TLR3: variants seen among roughly 807,000 people sequenced by gnomAD.
TLR3 encodes the protein toll-like receptor 3.
Under a neutral mutation model 66.4 loss-of-function variants are expected in TLR3, and 43 were observed. That is an observed-to-expected ratio of 0.65 (90% CI 0.51 to 0.83). TLR3 has a LOEUF of 0.83. Among genes scored for constraint, TLR3 ranks in the 40% least tolerant of loss-of-function variants. The pLI is 0.00. For missense variants in TLR3, 982 were observed against 1,044.6 expected, an observed-to-expected ratio of 0.94 and a Z score of 0.83; for synonymous variants, 397 against 397.2, an observed-to-expected ratio of 1.00 and a Z score of 0.01.
rs762007597 is a variant in TLR3, at chr4:186,076,972, C to A, written c.353C>A (p.Thr118Asn). 1 of 1,614,002 alleles carries A rather than the reference C, an allele frequency of 6.2e-7. No individual in the cohort carries two copies. Among genetic ancestry groups the A allele is most frequent in the Non-Finnish European group, 8.5e-7 (1 of 1,180,026 alleles). Reference protein sequence around the residue: ...HNELSQLSDKTFAFCTNLTEL... With the variant: ...HNELSQLSDKNFAFCTNLTEL... ...GAGCTATCTCAACTTTCTGATAAAA[C>A]CTTTGCCTTCTGCACGAATTTGACT... The change falls in exon 2 of 5, where the codon ACC becomes AAC. Residue 118 changes from threonine (T) to asparagine (N), a missense_variant. Physicochemically the swap from Thr to Asn is moderately conservative, Grantham distance 65. Around this residue, in one of 3 missense-constraint regions of TLR3, gnomAD observed 313 missense variants for 319.0 expected, o/e 0.98. Coordinates refer to ENST00000296795, the MANE Select transcript of TLR3 (RefSeq NM_003265.3).
chr4:186,079,640 C>T (rs2099303082), intron 3 of TLR3, among the ~76,000 whole-genome samples: 1 of 152,120 alleles, frequency 6.6e-6, no homozygotes, highest in Non-Finnish European at 1.5e-5. Flanking sequence ...AAATAACTGA[C>T]AGGACTGTCT....
At position 186,076,673 on chromosome 4, in the gene TLR3, G is replaced by A. The variant is rs768048228; in HGVS notation, c.54G>A (p.Gly18=). 4 of 1,614,126 alleles carry A rather than the reference G, an allele frequency of 2.5e-6. No homozygotes were observed. The highest frequency in any genetic ancestry group is 3.4e-6 in the Non-Finnish European group (4 of 1,180,036). ...TTTGGGGGGGCCTTTTGCCCTTTGG[G>A]ATGCTGTGTGCATCCTCCACCACCA... ...IYFWGGLLPF[G]MLCASSTTKC... The change falls in exon 2 of 5, where the codon GGG becomes GGA. Residue 18 remains glycine, a synonymous_variant. Transcript: ENST00000296795.
At chr4:186,072,043 C>G (rs990083463) in intron 1 of TLR3, among the ~76,000 whole-genome samples, 4 of 152,196 alleles carry the variant, frequency 2.6e-5, no homozygotes, top group African/African-American at 9.7e-5. Flanking sequence ...CTTTCCTGAG[C>G]TGACTAAATG....
intron 1 of TLR3, among the ~76,000 whole-genome samples, chr4:186,070,158 G>T (rs1239258344): frequency 6.6e-6 from 1 of 151,702 alleles, no homozygotes; most frequent in Non-Finnish European, 1.5e-5. Flanking sequence ...CTTTATTTCT[G>T]CTAGATCTCA....
intron 1 of TLR3, among the ~76,000 whole-genome samples, chr4:186,070,284 C>A (rs2099301212): frequency 6.6e-6 from 1 of 152,196 alleles, no homozygotes; most frequent in Non-Finnish European, 1.5e-5. Context: ...TATAAACTTA[C>A]TGAATTTTTG....
intron 3 of TLR3, 119 bp downstream of exon 3, chr4:186,079,150 C>A: frequency 2.1e-6 from 2 of 953,060 alleles, no homozygotes; most frequent in Non-Finnish European, 3.2e-6. Flanking sequence ...GCAATCCTTC[C>A]CACCTACTGC....
At chr4:186,082,268 A>G in intron 3 of TLR3, 52 bp from the exon 4 acceptor site, 1 of 1,226,334 alleles carries the variant, frequency 8.2e-7, no homozygotes, top group Admixed American at 1.8e-5. Context: ...CAACAGCATT[A>G]CAGAGTCTGT....
At chr4:186,077,845 G>T (rs1299754613) in intron 2 of TLR3, among the ~76,000 whole-genome samples, 1 of 148,594 alleles carries the variant, frequency 6.7e-6, no homozygotes, top group African/African-American at 2.5e-5. Flanking sequence ...AAAAAAAAAC[G>T]CATGTTATTG....
rs1339213747 is a variant in TLR3 at position 186,082,784 on chromosome 4, T to C, written c.1098T>C (p.Asp366=). Residue 366 remains aspartate (D), a synonymous_variant, in exon 4 of 5, where the codon GAT becomes GAC. Transcript: ENST00000296795. ...CLEHLNMEDN[D]IPGIKSNMFT... Reference sequence around the variant, plus strand: ...AGCACCTTAACATGGAAGATAATGATATTCCAGGCATAAAAAGCAATATGT... The same window carrying C: ...AGCACCTTAACATGGAAGATAATGACATTCCAGGCATAAAAAGCAATATGT... 1 of 1,614,062 alleles carries C rather than the reference T, an allele frequency of 6.2e-7. No individual in the cohort carries two copies. Among genetic ancestry groups the C allele is most frequent in the African/African-American group, 1.3e-5 (1 of 74,938 alleles).
At position 186,082,682 on chromosome 4, in the gene TLR3, T is replaced by A. The variant is rs1023056174; in HGVS notation, c.996T>A (p.Ser332=). ...FNVRYLNLKR[S]FTKQSISLAS... is the part of the protein sequence containing the mutation. Reference sequence around the variant, plus strand: ...TGAGGTACCTGAATTTGAAACGGTCTTTTACTAAACAAAGTATTTCCCTTG... The same window carrying A: ...TGAGGTACCTGAATTTGAAACGGTCATTTACTAAACAAAGTATTTCCCTTG... The change falls in exon 4 of 5, where the codon TCT becomes TCA. Residue 332 remains serine, a synonymous_variant. Transcript: ENST00000296795. 6 of 1,613,906 alleles carry A rather than the reference T, an allele frequency of 3.7e-6. No individual in the cohort carries two copies. The highest frequency in any genetic ancestry group is 5.1e-6 in the Non-Finnish European group (6 of 1,179,922).
intron 1 of TLR3, among the ~76,000 whole-genome samples, chr4:186,071,430 G>A (rs1450961724): frequency 6.6e-6 from 1 of 152,228 alleles, no homozygotes. Context: ...AAGTTCTGAA[G>A]GAACTGGAAG....
Position 186,083,139 on chromosome 4 carries a change from C to T in TLR3, c.1453C>T (p.Leu485=). The change falls in exon 4 of 5, where the codon CTG becomes TTG. Residue 485 remains leucine, a synonymous_variant. Coordinates refer to ENST00000296795, the MANE Select transcript of TLR3 (RefSeq NM_003265.3). The surrounding 1 kb of genome is among the most constrained non-coding windows in gnomAD (Gnocchi z 4.0). The part of the protein sequence containing the change: ...SFALVPSLQR[L]MLRRVALKNV... ...TGCCTTGGTCCCAAGCCTTCAACGA[C>T]TGATGCTCCGAAGGGTGGCCCTTAA... The T allele has an allele frequency of 6.2e-7, 1 of 1,614,222 alleles. No individual in the cohort carries two copies. Among genetic ancestry groups the T allele is most frequent in the Non-Finnish European group, 8.5e-7 (1 of 1,180,048 alleles).
chr4:186,070,646 C>T, intron 1 of TLR3, among the ~76,000 whole-genome samples: 1 of 151,940 alleles, frequency 6.6e-6, no homozygotes, highest in East Asian at 1.9e-4. Flanking sequence ...CCTCAGCTTC[C>T]TAAAGTGATG....
chr4:186,079,233 C>T (rs1275088519), intron 3 of TLR3, among the ~76,000 whole-genome samples: 1 of 152,150 alleles, frequency 6.6e-6, no homozygotes, highest in Non-Finnish European at 1.5e-5. Flanking sequence ...GACTCTGCCG[C>T]CCTGCAGCAC....
rs2150068022 is a variant in TLR3 at position 186,083,424 on chromosome 4, G to T, written c.1738G>T (p.Glu580Ter). Reference protein sequence around the residue: ...ESNGFDEIPVEVFKDLFELKI... With the variant: ...ESNGFDEIPV ...CAACGGCTTTGACGAGATCCCAGTT[G>T]AGGTCTTCAAGGATTTATTTGAACT... Residue 580 changes from glutamate (E) to a stop codon, truncating the protein, a stop_gained, in exon 4 of 5, where the codon GAG (glutamate) becomes TAG (stop). Coordinates refer to ENST00000296795, the MANE Select transcript of TLR3 (RefSeq NM_003265.3). LOFTEE classifies it high-confidence loss of function. This position sits in a 1 kb window ranked among gnomAD's most constrained non-coding sequence, Gnocchi z 4.0. 6.2e-7 allele frequency: 1 copy of T among 1,613,770 alleles called. No homozygotes were observed. Among genetic ancestry groups the T allele is most frequent in the East Asian group, 2.2e-5 (1 of 44,870 alleles).
intron 3 of TLR3, among the ~76,000 whole-genome samples, chr4:186,081,268 CAAAA>C (rs10604227): frequency 5.0e-5 from 7 of 139,660 alleles, no homozygotes; most frequent in Admixed American, 1.4e-4. Flanking sequence ...AACTCTGTCT[CAAAA>C]AAAAAAAAAA....
At chr4:186,073,068 T>G (rs926596052) in intron 1 of TLR3, among the ~76,000 whole-genome samples, 4 of 152,172 alleles carry the variant, frequency 2.6e-5, no homozygotes, top group Non-Finnish European at 5.9e-5. Context: ...GTTGTAAAGC[T>G]AAAGTAATCC....
rs1424089913 is a variant in TLR3, at chr4:186,086,335, G to C, written c.*1462G>C. On this transcript the variant is annotated 3_prime_UTR_variant, in exon 5 of 5. Transcript: ENST00000296795. ...ATTTCTATACCTGAAATGTTCATTTGTCTGCTGAATTCAGGGAGCATTTGA... is the reference window on the plus strand; with the variant it reads ...ATTTCTATACCTGAAATGTTCATTTCTCTGCTGAATTCAGGGAGCATTTGA... The C allele has an allele frequency of 6.6e-6, 1 of 152,126 alleles. No homozygotes were observed. 9.4% of individuals were successfully genotyped at this position (152,126 alleles called of 1,614,324 possible). A position where few individuals can be genotyped will look rare whatever the true frequency, so the allele number is the denominator to read the frequency against.
rs776931310 is a variant in TLR3, at chr4:186,082,373, C to G, written c.687C>G (p.Asn229Lys). 1.2e-6 allele frequency: 2 copies of G among 1,613,332 alleles called. No individual in the cohort carries two copies. Among genetic ancestry groups the G allele is most frequent in the East Asian group, 4.5e-5 (2 of 44,792 alleles). ...AIGRLFGLFLNNVQLGPSLTE... is the reference protein window; with the variant it reads ...AIGRLFGLFLKNVQLGPSLTE... ...GAAGATTATTTGGCCTCTTTCTGAA[C>G]AATGTCCAGCTGGGTCCCAGCCTTA... The change falls in exon 4 of 5, where the codon AAC (asparagine) becomes AAG (lysine). Residue 229 changes from asparagine to lysine, a missense_variant. Around this residue, in one of 3 missense-constraint regions of TLR3, gnomAD observed 313 missense variants for 319.0 expected, o/e 0.98. Transcript: ENST00000296795.
Sources: gnomAD v4.1 joint callset for allele counts (sites outside exome capture counted in the v4.1 genomes callset) on GRCh38, gnomAD v4.1.1 for gene constraint, gnomAD v4.1.1 regional missense constraint, Gnocchi (gnomAD v3.1) non-coding constraint, MANE v1.5 for transcripts, NCBI Gene and HGNC (gene_info 2026-07-23, HGNC 2026-07-21) for gene names.